The following XKR7 variants were observed in gnomAD, a reference collection of about 807,000 sequenced individuals.
XKR7 encodes XK-related protein 7.
Under a neutral mutation model 42.2 loss-of-function variants are expected in XKR7, and 11 were observed. That is an observed-to-expected ratio of 0.26 (90% CI 0.16 to 0.43). The LOEUF (loss-of-function observed/expected upper bound fraction) is 0.43. Ranked by LOEUF, XKR7 falls within the 20% of genes least tolerant of loss-of-function variation. The pLI is 1.00. For synonymous variants in XKR7, 346 were observed against 366.4 expected (o/e 0.94, Z 0.64); for missense variants, 710 against 802.2 (o/e 0.89, Z 1.39).
Position 31,997,162 on chromosome 20 carries a change from C to T in XKR7, c.1445C>T (p.Ala482Val). The stretch of plus-strand genomic sequence containing the variant: ...AGGTCCCTGCCAAGGACTACAGGTG[C>T]TGAGCGGGATGGGGCCTCGGCGGGA... ...PPRSLPRTTG[A>V]ERDGASAGER... is the part of the protein sequence containing the mutation. Residue 482 changes from alanine to valine, a missense_variant, in exon 3 of 3, where the codon GCT becomes GTT. Ala to Val is a moderately conservative substitution (Grantham distance 64). Coordinates refer to ENST00000562532, the MANE Select transcript of XKR7 (RefSeq NM_001011718.2). 1 of 1,611,272 alleles carries T rather than the reference C, an allele frequency of 6.2e-7. No homozygotes were observed. The highest frequency in any genetic ancestry group is 8.5e-7 in the Non-Finnish European group (1 of 1,180,018).
Position 31,998,752 on chromosome 20 carries a change from G to A in XKR7, c.*1295G>A, listed in dbSNP as rs369272804. On this transcript the variant is annotated 3_prime_UTR_variant, in exon 3 of 3. Transcript: ENST00000562532. The stretch of plus-strand genomic sequence containing the variant: ...TGGAAAAAAAAATAGCTCTGGGGAC[G>A]TGACATGAATCCTGGCTCTCAGCCA... 1 of 152,204 alleles carries A rather than the reference G, an allele frequency of 6.6e-6. No individual in the cohort carries two copies. Among genetic ancestry groups the A allele is most frequent in the African/African-American group, 2.4e-5 (1 of 41,510 alleles). The allele number at this position is 152,204 out of a possible 1,614,324, so 9.4% of individuals were successfully genotyped here.
chr20:31,984,238 G>T (rs1304292874), intron 1 of XKR7, among the ~76,000 whole-genome samples: 1 of 149,948 alleles, frequency 6.7e-6, no homozygotes, highest in East Asian at 1.9e-4. Flanking sequence ...TCCAGCCTGG[G>T]TGACAAGAGT....
intron 1 of XKR7, among the ~76,000 whole-genome samples, chr20:31,985,807 CAGA>C: frequency 2.1e-5 from 3 of 144,848 alleles, no homozygotes; most frequent in Admixed American, 6.9e-5. Context: ...GACAGACAGA[CAGA>C]CTACCAAGCA....
chr20:31,986,586 T>C (rs1482259096), intron 1 of XKR7, among the ~76,000 whole-genome samples: 85 of 30,630 alleles, frequency 2.8e-3, no homozygotes, highest in Admixed American at 4.2e-3. Flanking sequence ...ACCCAGCATC[T>C]GAGACACAGA....
Position 32,000,910 on chromosome 20 carries a change from C to T in XKR7, c.*3453C>T, listed in dbSNP as rs569120281. On this transcript the variant is annotated 3_prime_UTR_variant, in exon 3 of 3. Coordinates refer to ENST00000562532, the MANE Select transcript of XKR7 (RefSeq NM_001011718.2). Reference sequence around the variant, plus strand: ...ATGAGGGAGCCTTGCTTGATCCCCTCCTGTCATCTGCCTCATTCTTGTGTC... The same window carrying T: ...ATGAGGGAGCCTTGCTTGATCCCCTTCTGTCATCTGCCTCATTCTTGTGTC... 80 of 152,626 alleles carry T rather than the reference C, an allele frequency of 5.2e-4. No individual in the cohort carries two copies. The highest frequency in any genetic ancestry group is 3.3e-3 in the Middle Eastern group (1 of 300). 9.5% of individuals were successfully genotyped at this position (152,626 alleles called of 1,614,324 possible). A position where few individuals can be genotyped will look rare whatever the true frequency, so the allele number is the denominator to read the frequency against.
chr20:31,975,007 C>T (rs1167476582), intron 1 of XKR7, among the ~76,000 whole-genome samples: 1 of 152,272 alleles, frequency 6.6e-6, no homozygotes, highest in East Asian at 1.9e-4. Context: ...GCCCAGCGTC[C>T]CCTGTTTGAT....
chr20:31,996,447 A>T, intron 2 of XKR7, 58 bp from the exon 3 acceptor site: 4 of 868,484 alleles, frequency 4.6e-6, no homozygotes, highest in Admixed American at 3.8e-5. Flanking sequence ...CTCTCCCCAG[A>T]CCCCAACCCG....
chr20:31,989,331 G>A (rs2064558556), intron 1 of XKR7, among the ~76,000 whole-genome samples: 1 of 151,988 alleles, frequency 6.6e-6, no homozygotes. Context: ...GGTTTGAGAT[G>A]AGGTGAGAGA....
intron 1 of XKR7, among the ~76,000 whole-genome samples, chr20:31,974,052 G>A (rs1174718351): frequency 2.6e-5 from 4 of 152,160 alleles, no homozygotes; most frequent in Non-Finnish European, 4.4e-5. Context: ...AATTAGCTGG[G>A]CATGGTGGTG....
At position 31,999,396 on chromosome 20, in the gene XKR7, C is replaced by T. The variant is rs916594718; in HGVS notation, c.*1939C>T. ...CAACCATGATACGGGTCACCCTCCC[C>T]ACCAGCACACAGGCCGAGATGGTGT... is the stretch of plus-strand genomic sequence containing the variant. On this transcript the variant is annotated 3_prime_UTR_variant, in exon 3 of 3. Transcript: ENST00000562532. The T allele has an allele frequency of 1.3e-5, 2 of 152,290 alleles. No homozygotes were observed. The highest frequency in any genetic ancestry group is 2.9e-5 in the Non-Finnish European group (2 of 68,110). 9.4% of individuals were successfully genotyped at this position (152,290 alleles called of 1,614,324 possible).
Position 31,997,201 on chromosome 20 carries a change from C to T in XKR7, c.1484C>T (p.Thr495Ile), listed in dbSNP as rs892948161. The T allele has an allele frequency of 2.7e-5, 43 of 1,610,016 alleles. No homozygotes were observed. The highest frequency in any genetic ancestry group is 3.6e-5 in the Non-Finnish European group (42 of 1,179,840). ...DGASAGERAG[T>I]PTPPVFQVRP... Reference sequence around the variant, plus strand: ...GCCTCGGCGGGAGAGCGTGCAGGGACCCCCACCCCACCTGTCTTCCAGGTG... The same window carrying T: ...GCCTCGGCGGGAGAGCGTGCAGGGATCCCCACCCCACCTGTCTTCCAGGTG... The change falls in exon 3 of 3, where the codon ACC becomes ATC. Residue 495 changes from threonine (T) to isoleucine (I), a missense_variant. By Grantham distance (89) the Thr-to-Ile change is moderately conservative. This residue lies in a region of XKR7 where 708 missense variants were observed against 786.2 expected (regional missense o/e 0.90). Coordinates refer to ENST00000562532, the MANE Select transcript of XKR7 (RefSeq NM_001011718.2).
chr20:31,977,561 T>A (rs1397265217), intron 1 of XKR7, among the ~76,000 whole-genome samples: 1 of 152,154 alleles, frequency 6.6e-6, no homozygotes, highest in African/African-American at 2.4e-5. Context: ...ACAGGGCTTG[T>A]CACATAGTAT....
intron 1 of XKR7, among the ~76,000 whole-genome samples, chr20:31,989,282 C>A (rs538248835): frequency 5.3e-4 from 64 of 119,956 alleles, no homozygotes; most frequent in Non-Finnish European, 8.8e-4. Context: ...GACACCCCCC[C>A]CCCAGCGCAT....
intron 1 of XKR7, among the ~76,000 whole-genome samples, chr20:31,993,532 A>G (rs538469406): frequency 2.8e-4 from 42 of 152,280 alleles, no homozygotes; most frequent in African/African-American, 9.9e-4. Context: ...TATACCCCCT[A>G]TAGGGTTACT....
In XKR7 at chr20:31,996,764, C is replaced by T. The variant is rs549709904; in HGVS notation, c.1047C>T (p.Asp349=). The part of the protein sequence containing the change: ...MTFWVIQGET[D]FCMSKWEEII... ...TCTGGGTCATCCAAGGGGAGACGGA[C>T]TTCTGCATGTCCAAGTGGGAGGAGA... The change falls in exon 3 of 3, where the codon GAC becomes GAT. Residue 349 remains aspartate (D), a synonymous_variant. Coordinates refer to ENST00000562532, the MANE Select transcript of XKR7 (RefSeq NM_001011718.2). 3.0e-5 allele frequency: 49 copies of T among 1,614,102 alleles called. 1 individual carries two copies. The Admixed American group carries it at 8.2e-4, about 27-fold the overall frequency.
At position 31,971,838 on chromosome 20, in the gene XKR7, A is replaced by G. The variant is rs79459473; in HGVS notation, c.584+3079A>G. ...GATACAAGGGGTGTCAGACAAGAGG[A>G]CATTCAGGGGCAAGTAGTGTCCGAG... On this transcript the variant is annotated intron_variant, in intron 1 of 2. Transcript: ENST00000562532. Among the ~76,000 whole-genome samples the G allele has an allele frequency of 8.0e-3, 1,218 of 152,324 alleles. 25 individuals carry two copies. Among genetic ancestry groups the G allele is most frequent in the African/African-American group, 0.028 (1,161 of 41,558 alleles).
chr20:31,971,892 A>T (rs965960779), intron 1 of XKR7, among the ~76,000 whole-genome samples: 1 of 152,164 alleles, frequency 6.6e-6, no homozygotes, highest in East Asian at 1.9e-4. Flanking sequence ...TGATCATGCC[A>T]TGAGAAATCG....
chr20:31,984,442 G>C (rs2064528018), intron 1 of XKR7, among the ~76,000 whole-genome samples: 1 of 152,192 alleles, frequency 6.6e-6, no homozygotes, highest in East Asian at 1.9e-4. Flanking sequence ...AGAAGGACTT[G>C]GGTTCAGGAC....
chr20:31,977,451 C>T (rs557630977), intron 1 of XKR7, among the ~76,000 whole-genome samples: 1 of 152,236 alleles, frequency 6.6e-6, no homozygotes, highest in South Asian at 2.1e-4. Flanking sequence ...GGGGAAGTTG[C>T]TCCACCAGCC....
Sources: allele counts gnomAD v4.1 joint callset (sites outside exome capture counted in the v4.1 genomes callset), GRCh38; gene constraint gnomAD v4.1.1; regional missense constraint gnomAD v4.1.1; transcripts MANE v1.5; gene names NCBI Gene and HGNC (gene_info 2026-07-23, HGNC 2026-07-21).